The following HIBADH variants were observed in gnomAD, a reference collection of about 807,000 sequenced individuals.
The protein encoded by HIBADH is 3-hydroxyisobutyrate dehydrogenase, mitochondrial.
HIBADH carries 25 observed loss-of-function variants against 36.1 expected under a neutral mutation model. The observed-to-expected ratio is 0.69, with a 90% CI of 0.50 to 0.97. The LOEUF (loss-of-function observed/expected upper bound fraction) is 0.97. HIBADH is among the 50% of genes least tolerant of loss of function. The probability of loss-of-function intolerance (pLI) is 0.00; values close to 1 mark genes in which losing one functional copy is unlikely to be tolerated. For missense variants in HIBADH, 421 were observed against 418.0 expected (o/e 1.01, Z -0.06); for synonymous variants, 160 against 149.5 (o/e 1.07, Z -0.51).
At chr7:27,593,230 A>T (rs1784974131) in intron 4 of HIBADH, among the ~76,000 whole-genome samples, 1 of 152,170 alleles carries the variant, frequency 6.6e-6, no homozygotes, top group Non-Finnish European at 1.5e-5. Flanking sequence ...CCTCAAAAAG[A>T]TTTAGATTTT....
rs762685685 is a variant in HIBADH, at chr7:27,645,368, ATTTTTTTTTTT to A, written c.252+4094_252+4104del. On this transcript the variant is annotated intron_variant, in intron 2 of 7. Coordinates refer to ENST00000265395, the MANE Select transcript of HIBADH (RefSeq NM_152740.4). ...CTAGTGGGTGTGTCTCATGGTTTTG[ATTTTTTTTTTT>A]TTTTTTTTTTTTTTTTGAGACAGAG... is the stretch of plus-strand genomic sequence containing the variant. 2.0e-4 allele frequency among the ~76,000 whole-genome samples: 12 copies of A among 59,650 alleles called. 1 individual carries two copies. The highest frequency in any genetic ancestry group is 1.4e-3 in the South Asian group (2 of 1,476). The allele number at this position is 59,650 out of a possible 152,430, so 39.1% of individuals were successfully genotyped here.
chr7:27,581,568 G>A (rs1006080920), intron 4 of HIBADH, among the ~76,000 whole-genome samples: 1 of 151,870 alleles, frequency 6.6e-6, no homozygotes, highest in Non-Finnish European at 1.5e-5. Context: ...AATTTATTAA[G>A]GTTTAATTGA....
At chr7:27,588,873 T>A (rs1173786724) in intron 4 of HIBADH, among the ~76,000 whole-genome samples, 1 of 152,188 alleles carries the variant, frequency 6.6e-6, no homozygotes, top group African/African-American at 2.4e-5. Context: ...TAAAATCCAA[T>A]TGTTTAGGAA....
chr7:27,624,397 C>T (rs1785602870), intron 4 of HIBADH, among the ~76,000 whole-genome samples: 1 of 152,146 alleles, frequency 6.6e-6, no homozygotes, highest in Non-Finnish European at 1.5e-5. Context: ...AACACTTGTA[C>T]TAAATAAGCA....
intron 4 of HIBADH, among the ~76,000 whole-genome samples, chr7:27,617,663 G>A (rs887542968): frequency 2.0e-5 from 3 of 152,260 alleles, no homozygotes; most frequent in South Asian, 2.1e-4. Context: ...CAAGAGCCCC[G>A]AGGGACTCCC....
chr7:27,557,050 G>T (rs965676322), intron 4 of HIBADH, among the ~76,000 whole-genome samples: 1 of 151,896 alleles, frequency 6.6e-6, no homozygotes, highest in Non-Finnish European at 1.5e-5. Context: ...TGAGGCAGGA[G>T]GATCACTTGA....
intron 2 of HIBADH, among the ~76,000 whole-genome samples, chr7:27,644,762 TAAAAA>T (rs769062186): frequency 7.0e-6 from 1 of 142,428 alleles, no homozygotes; most frequent in African/African-American, 2.6e-5. Context: ...AGACTCCATT[TAAAAA>T]AAAAAAAAAA....
At chr7:27,653,766 G>A (rs1465326324) in intron 1 of HIBADH, among the ~76,000 whole-genome samples, 1 of 151,958 alleles carries the variant, frequency 6.6e-6, no homozygotes, top group African/African-American at 2.4e-5. Context: ...CATGACCAAG[G>A]TTTCAGTGAT....
chr7:27,614,835 A>C (rs1785398512), intron 4 of HIBADH, among the ~76,000 whole-genome samples: 2 of 152,178 alleles, frequency 1.3e-5, no homozygotes, highest in South Asian at 4.1e-4. Flanking sequence ...TCAATCAGGA[A>C]AGACCCCAAA....
At chr7:27,533,308 T>C (rs1224214716) in intron 6 of HIBADH, among the ~76,000 whole-genome samples, 2 of 152,162 alleles carry the variant, frequency 1.3e-5, no homozygotes, top group Non-Finnish European at 2.9e-5. Flanking sequence ...CTGGTATTGA[T>C]TGATGGAAAC....
chr7:27,594,368 T>C (rs530518316), intron 4 of HIBADH, among the ~76,000 whole-genome samples: 2 of 152,072 alleles, frequency 1.3e-5, no homozygotes, highest in South Asian at 4.2e-4. Context: ...GTCTCGAACT[T>C]CTGACCTCAG....
At chr7:27,538,319 A>G (rs1784095696) in intron 6 of HIBADH, 22 bp downstream of exon 6, 1 of 1,577,388 alleles carries the variant, frequency 6.3e-7, no homozygotes, top group Admixed American at 1.7e-5. Flanking sequence ...ATGTTAGTAT[A>G]AAAACGTACT....
intron 4 of HIBADH, among the ~76,000 whole-genome samples, chr7:27,626,097 C>T (rs538641655): frequency 6.0e-4 from 36 of 60,502 alleles, no homozygotes; most frequent in South Asian, 6.3e-4. Context: ...AGTGAGACTC[C>T]GTCTCAGAAA....
At chr7:27,541,000 C>T (rs540975128) in intron 5 of HIBADH, among the ~76,000 whole-genome samples, 1 of 152,216 alleles carries the variant, frequency 6.6e-6, no homozygotes, top group Non-Finnish European at 1.5e-5. Context: ...AAGTTAGCAA[C>T]TTTATAGATA....
At chr7:27,652,822 C>G (rs1313920412) in intron 1 of HIBADH, among the ~76,000 whole-genome samples, 1 of 152,124 alleles carries the variant, frequency 6.6e-6, no homozygotes, top group Non-Finnish European at 1.5e-5. Context: ...CTCCTAATAT[C>G]ATTATATTGA....
At chr7:27,613,883 C>T (rs1785379823) in intron 4 of HIBADH, among the ~76,000 whole-genome samples, 1 of 152,100 alleles carries the variant, frequency 6.6e-6, no homozygotes, top group African/African-American at 2.4e-5. Flanking sequence ...TGGTCTCAAA[C>T]TCCTGGGCCC....
chr7:27,545,820 A>G (rs1308295357), intron 4 of HIBADH, among the ~76,000 whole-genome samples: 1 of 152,214 alleles, frequency 6.6e-6, no homozygotes, highest in Admixed American at 6.5e-5. Flanking sequence ...TTCCTCCATT[A>G]TAAACTTCCT....
chr7:27,641,077 G>A (rs116097614), intron 2 of HIBADH, among the ~76,000 whole-genome samples: 3,596 of 152,184 alleles, frequency 0.024, 142 homozygotes, highest in African/African-American at 0.081. Context: ...ATGGAGAAAA[G>A]CAGACTCCAG....
chr7:27,657,847 T>C lies in HIBADH; in HGVS notation c.91+4851A>G, dbSNP rs149251226. Among the ~76,000 whole-genome samples, 1,146 of 152,256 alleles carry C rather than the reference T, an allele frequency of 7.5e-3. 14 individuals carry two copies. Among genetic ancestry groups the C allele is most frequent in the Non-Finnish European group, 8.5e-3 (576 of 68,014 alleles). On this transcript the variant is annotated intron_variant, in intron 1 of 7. Transcript: ENST00000265395. ...GTTACTTAACTTCTCTAGACAACATTTGATCAATAAAAGTACCTACTTCAG... is the reference window on the plus strand; with the variant it reads ...GTTACTTAACTTCTCTAGACAACATCTGATCAATAAAAGTACCTACTTCAG...
Sources: allele counts gnomAD v4.1 joint callset (sites outside exome capture counted in the v4.1 genomes callset), GRCh38; gene constraint gnomAD v4.1.1; transcripts MANE v1.5; gene names NCBI Gene and HGNC (gene_info 2026-07-23, HGNC 2026-07-21).